ZNF718: variants seen among roughly 807,000 people sequenced by gnomAD.
ZNF718 encodes the protein zinc finger protein 718.
Under a neutral mutation model 2.6 loss-of-function variants are expected in ZNF718, and 3 were observed. The observed-to-expected ratio is 1.16, with a 90% CI of 0.53 to 3.01. The LOEUF is 3.01. Among genes scored for constraint, ZNF718 ranks in the 30% most tolerant of loss-of-function variants. The probability of loss-of-function intolerance (pLI) is 0.03; values close to 1 mark genes in which losing one functional copy is unlikely to be tolerated. For missense variants in ZNF718, 468 were observed against 230.0 expected, an observed-to-expected ratio of 2.03 and a Z score of -6.69; for synonymous variants, 135 against 77.9, an observed-to-expected ratio of 1.73 and a Z score of -3.86.
chr4:188,042 C>T (rs1717605509), intron 3 of ZNF718, among the ~76,000 whole-genome samples: 1 of 152,170 alleles, frequency 6.6e-6, no homozygotes, highest in South Asian at 2.1e-4. Flanking sequence ...ACAAAACAGC[C>T]ATTCCATGCT....
At chr4:200,797 G>A (rs1428111807) in intron 3 of ZNF718, among the ~76,000 whole-genome samples, 1 of 151,980 alleles carries the variant, frequency 6.6e-6, no homozygotes, top group Non-Finnish European at 1.5e-5. Context: ...AAAAGGAAAG[G>A]CTATTAACAA....
At chr4:191,109 T>C (rs564560384) in intron 3 of ZNF718, among the ~76,000 whole-genome samples, 1 of 151,946 alleles carries the variant, frequency 6.6e-6, no homozygotes, top group South Asian at 2.1e-4. Flanking sequence ...AGTTGGTATC[T>C]TCTAAGTTTC....
rs1435357262 is a variant in ZNF718, at chr4:199,310, A to T, written c.227-1771A>T. 5.3e-5 allele frequency among the ~76,000 whole-genome samples: 8 copies of T among 152,318 alleles called. No individual in the cohort carries two copies. The East Asian group carries it at 1.5e-3, about 29-fold the overall frequency. On this transcript the variant is annotated intron_variant and NMD_transcript_variant, in intron 3 of 4. Coordinates refer to the ZNF718 transcript ENST00000642529. ...GGCCTGCTTTTAATGAGCTTCTCCC[A>T]TTCCCCACCATGACTCTGGTAAATT...
At chr4:155,304 C>G (rs539358720) in intron 3 of ZNF718, among the ~76,000 whole-genome samples, 1 of 152,152 alleles carries the variant, frequency 6.6e-6, no homozygotes, top group Non-Finnish European at 1.5e-5. Context: ...CCACTGTCCT[C>G]CAGGCCCCAG....
At chr4:153,187 C>A (rs1355597027) in intron 3 of ZNF718, among the ~76,000 whole-genome samples, 1 of 151,966 alleles carries the variant, frequency 6.6e-6, no homozygotes, top group Non-Finnish European at 1.5e-5. Context: ...CTCTCTTTCT[C>A]CAATGTGTGT....
chr4:201,716 C>A, exon 5 of ZNF718: 1 of 182,708 alleles, frequency 5.5e-6, no homozygotes. Flanking sequence ...ATTTGGGCAA[C>A]TCTGTAAATT....
chr4:162,091 A>T lies in ZNF718; in HGVS notation c.1406A>T (p.His469Leu), dbSNP rs187970628. The T allele has an allele frequency of 2.6e-6, 2 of 758,376 alleles. No homozygotes were observed. The highest frequency in any genetic ancestry group is 2.8e-5 in the South Asian group (2 of 71,340). The allele number at this position is 758,376 out of a possible 1,614,324, so 47.0% of individuals were successfully genotyped here. A position where few individuals can be genotyped will look rare whatever the true frequency, so the allele number is the denominator to read the frequency against. ...AFKQYSNLPQ[H>L]KRTHTGGKF is the part of the protein sequence containing the mutation. ...AAGCAGTACTCCAACCTTCCTCAACATAAGAGAACTCATACTGGAGGAAAA... is the reference window on the plus strand; with the variant it reads ...AAGCAGTACTCCAACCTTCCTCAACTTAAGAGAACTCATACTGGAGGAAAA... The change falls in exon 4 of 4, where the codon CAT becomes CTT. Residue 469 changes from histidine (H) to leucine (L), a missense_variant. His to Leu is a moderately conservative substitution (Grantham distance 99). Coordinates refer to ENST00000510175, the MANE Select transcript of ZNF718 (RefSeq NM_001039127.6).
chr4:182,526 T>C (rs1717488934), intron 3 of ZNF718, among the ~76,000 whole-genome samples: 1 of 152,058 alleles, frequency 6.6e-6, no homozygotes, highest in African/African-American at 2.4e-5. Flanking sequence ...CTCCACCGCC[T>C]GGGTATAAGC....
At chr4:153,410 T>C (rs1716423248) in intron 3 of ZNF718, among the ~76,000 whole-genome samples, 1 of 152,146 alleles carries the variant, frequency 6.6e-6, no homozygotes, top group South Asian at 2.1e-4. Flanking sequence ...CTTTGGTAGT[T>C]CCCTATAACG....
At chr4:199,180 C>T (rs1717850796) in intron 3 of ZNF718, among the ~76,000 whole-genome samples, 1 of 152,208 alleles carries the variant, frequency 6.6e-6, no homozygotes, top group African/African-American at 2.4e-5. Flanking sequence ...TCATTTTCCT[C>T]CTCTGTAAAA....
At chr4:148,797 C>T (rs1234485749) in intron 3 of ZNF718, among the ~76,000 whole-genome samples, 1 of 151,994 alleles carries the variant, frequency 6.6e-6, no homozygotes, top group East Asian at 1.9e-4. Context: ...ATGTCAAGGC[C>T]TTTCACCTGA....
intron 3 of ZNF718, among the ~76,000 whole-genome samples, chr4:199,211 C>T (rs1323556396): frequency 2.0e-5 from 3 of 152,204 alleles, no homozygotes; most frequent in African/African-American, 7.2e-5. Context: ...AACTGTGCCT[C>T]CTAGGTTTGG....
intron 3 of ZNF718, among the ~76,000 whole-genome samples, chr4:152,243 A>G (rs1311190412): frequency 6.9e-6 from 1 of 144,970 alleles, no homozygotes; most frequent in African/African-American, 2.6e-5. Flanking sequence ...CTCAACTGCA[A>G]GAGCCATTCC....
downstream of ZNF718, among the ~76,000 whole-genome samples, chr4:167,325 C>T (rs1717113200): frequency 1.3e-5 from 2 of 152,092 alleles, no homozygotes; most frequent in African/African-American, 2.4e-5. Context: ...GATTGCTTTG[C>T]AATGTGTGCT....
At chr4:149,604 C>T (rs1716225109) in intron 3 of ZNF718, 1 of 151,994 alleles carries the variant, frequency 6.6e-6, no homozygotes, top group African/African-American at 2.4e-5. Flanking sequence ...TCACTTGAGG[C>T]AATTTAAAAT....
At chr4:150,304 C>T (rs979324354) in intron 3 of ZNF718, 1 of 152,074 alleles carries the variant, frequency 6.6e-6, no homozygotes, top group African/African-American at 2.4e-5. Context: ...AATAAATGAA[C>T]ATGCATGTGT....
rs1218976821 is a variant in ZNF718 at position 161,666 on chromosome 4, T to A, written c.981T>A (p.Ala327=). 2.6e-6 allele frequency: 2 copies of A among 779,512 alleles called. No homozygotes were observed. The highest frequency in any genetic ancestry group is 4.8e-6 in the Non-Finnish European group (2 of 417,324). The allele number at this position is 779,512 out of a possible 1,614,324, so 48.3% of individuals were successfully genotyped here. A position where few individuals can be genotyped will look rare whatever the true frequency, so the allele number is the denominator to read the frequency against. Residue 327 remains alanine, a synonymous_variant, in exon 4 of 4, where the codon GCT becomes GCA. Transcript: ENST00000510175. ...TCTTTACCACATCCTCAGACTTTGC[T>A]AAACATAAGAGAATTCATACAGGAG... is the stretch of plus-strand genomic sequence containing the variant. ...GNVFTTSSDF[A]KHKRIHTGEK...
In ZNF718 at chr4:124,571, C is replaced by T. The variant is rs1421561381; in HGVS notation, c.-100C>T. 3.9e-6 allele frequency: 6 copies of T among 1,535,948 alleles called. No individual in the cohort carries two copies. The highest frequency in any genetic ancestry group is 4.5e-6 in the Non-Finnish European group (5 of 1,123,470). On this transcript the variant is annotated 5_prime_UTR_variant, in exon 1 of 4. Coordinates refer to ENST00000510175, the MANE Select transcript of ZNF718 (RefSeq NM_001039127.6). The stretch of plus-strand genomic sequence containing the variant: ...GCTCTGCTCCCGCTCCTTAGGGAAG[C>T]CTCGGTGATTCTGCCACAGCCTCAG...
chr4:169,916 T>G lies in ZNF718; in HGVS notation c.227-31165T>G, dbSNP rs184439369. Among the ~76,000 whole-genome samples, 1,284 of 151,798 alleles carry G rather than the reference T, an allele frequency of 8.5e-3. 21 individuals carry two copies. The highest frequency in any genetic ancestry group is 0.065 in the Middle Eastern group (19 of 294). On this transcript the variant is annotated intron_variant and NMD_transcript_variant, in intron 3 of 4. Transcript: ENST00000642529. ...TGATGTTAGCTGGTTATTTTGCTCA[T>G]CAGTTGATGCAGTTTCTTCCTAGCA...
Sources: gnomAD v4.1 joint callset for allele counts (sites outside exome capture counted in the v4.1 genomes callset) on GRCh38, gnomAD v4.1.1 for gene constraint, MANE v1.5 for transcripts, NCBI Gene and HGNC (gene_info 2026-07-23, HGNC 2026-07-21) for gene names.